Variants in ADGB observed in about 807,000 individuals in gnomAD.
ADGB encodes androglobin.
Under a neutral mutation model 210.5 loss-of-function variants are expected in ADGB, and 172 were observed. The ratio of observed to expected loss-of-function variants is 0.82; its 90% CI spans 0.72 to 0.93. ADGB has a LOEUF of 0.93. ADGB is among the 40% of genes least tolerant of loss of function. The probability of loss-of-function intolerance (pLI) is 0.00; values close to 1 mark genes in which losing one functional copy is unlikely to be tolerated. For missense variants in ADGB, 2,025 were observed against 1,964.8 expected, an observed-to-expected ratio of 1.03 and a Z score of -0.58; for synonymous variants, 658 against 662.7, an observed-to-expected ratio of 0.99 and a Z score of 0.11.
At chr6:146,741,684 T>C (rs1353926572) in intron 25 of ADGB, among the ~76,000 whole-genome samples, 1 of 152,178 alleles carries the variant, frequency 6.6e-6, no homozygotes, top group Non-Finnish European at 1.5e-5. Context: ...TGTAGTTACA[T>C]AGCCACCAAC....
chr6:146,807,560 G>C (rs1778231410), intron 35 of ADGB: 1 of 1,532,520 alleles, frequency 6.5e-7, no homozygotes, highest in Non-Finnish European at 8.8e-7. Context: ...CTGACACACA[G>C]AAAAAAAAGA....
intron 13 of ADGB, among the ~76,000 whole-genome samples, chr6:146,712,970 A>C (rs551585949): frequency 2.4e-4 from 36 of 151,282 alleles, no homozygotes; most frequent in African/African-American, 8.5e-4. Flanking sequence ...AACTTTGACT[A>C]TTCTGGGTAC....
rs1363423633 is a variant in ADGB, at chr6:146,649,034, A to G, written c.330+4169A>G. On this transcript the variant is annotated intron_variant, in intron 3 of 35. Coordinates refer to ENST00000397944, the MANE Select transcript of ADGB (RefSeq NM_024694.4). ...AAATCATTTTAAGATTTTAAATTAC[A>G]CAAAAAGTCTTCCTACAAGCATTTA... 1.3e-5 allele frequency among the ~76,000 whole-genome samples: 2 copies of G among 152,016 alleles called. 1 individual carries two copies. The highest frequency in any genetic ancestry group is 3.9e-4 in the East Asian group (2 of 5,170).
chr6:146,790,815 C>A (rs55652744), intron 33 of ADGB, among the ~76,000 whole-genome samples: 2,059 of 152,252 alleles, frequency 0.014, 40 homozygotes, highest in African/African-American at 0.047. Context: ...CCAAAGTGTA[C>A]CTGAGTTCCC....
chr6:146,636,065 C>A (rs763888818), intron 2 of ADGB, among the ~76,000 whole-genome samples: 1 of 151,954 alleles, frequency 6.6e-6, no homozygotes, highest in Non-Finnish European at 1.5e-5. Flanking sequence ...GAGATTGGTG[C>A]CAAAATGTAG....
At chr6:146,763,016 G>A (rs1229355892) in intron 27 of ADGB, among the ~76,000 whole-genome samples, 3 of 152,048 alleles carry the variant, frequency 2.0e-5, no homozygotes, top group Non-Finnish European at 2.9e-5. Context: ...ACTCCCTTCT[G>A]GTATCCTACC....
In ADGB at chr6:146,805,105, G is replaced by C. The variant is rs953200879; in HGVS notation, c.4818+3094G>C. 2.6e-5 allele frequency among the ~76,000 whole-genome samples: 4 copies of C among 152,160 alleles called. No homozygotes were observed. The South Asian group carries it at 8.3e-4, about 32-fold the overall frequency. On this transcript the variant is annotated intron_variant, in intron 35 of 35. Coordinates refer to ENST00000397944, the MANE Select transcript of ADGB (RefSeq NM_024694.4). ...TTCAATAGAGCAACCTTCTTATCAA[G>C]ATCCCCTGGCTGAAGGAGCTTCCAT...
chr6:146,685,717 G>A lies in ADGB; in HGVS notation c.1217-17G>A, dbSNP rs555938364. 8.3e-6 allele frequency: 12 copies of A among 1,447,028 alleles called. 1 individual carries two copies. The South Asian group carries it at 1.5e-4, about 18-fold the overall frequency. 89.6% of individuals were successfully genotyped at this position (1,447,028 alleles called of 1,614,324 possible). A position where few individuals can be genotyped will look rare whatever the true frequency, so the allele number is the denominator to read the frequency against. ...TTGACTAGAATTTTCACAACATAAT[G>A]TATGTTTGTTTTACAGGTTCTTCTG... On this transcript the variant is annotated splice_polypyrimidine_tract_variant and intron_variant, in intron 9 of 35. Coordinates refer to ENST00000397944, the MANE Select transcript of ADGB (RefSeq NM_024694.4).
At chr6:146,813,305 A>G (rs1489048502) in intron 35 of ADGB, among the ~76,000 whole-genome samples, 1 of 150,690 alleles carries the variant, frequency 6.6e-6, no homozygotes, top group Non-Finnish European at 1.5e-5. Flanking sequence ...GTTCTTCTGG[A>G]TATGTCTTAG....
chr6:146,691,451 T>TAC (rs1368330327), intron 11 of ADGB, among the ~76,000 whole-genome samples, 161 bp downstream of exon 11: 2 of 19,958 alleles, frequency 1.0e-4, no homozygotes, highest in African/African-American at 5.9e-4. Context: ...TAAAAATATA[T>TAC]ATATATAAAA....
intron 27 of ADGB, among the ~76,000 whole-genome samples, chr6:146,762,463 T>C (rs532841132): frequency 6.6e-6 from 1 of 152,296 alleles, no homozygotes. Flanking sequence ...TAAATAGCTA[T>C]TTTAAAGTCC....
chr6:146,715,859 G>T (rs1776724948), intron 14 of ADGB, among the ~76,000 whole-genome samples: 1 of 151,882 alleles, frequency 6.6e-6, no homozygotes, highest in Non-Finnish European at 1.5e-5. Flanking sequence ...CACGAAGTCA[G>T]TAGATCGAGA....
intron 17 of ADGB, among the ~76,000 whole-genome samples, chr6:146,723,492 T>C (rs1409487761): frequency 6.6e-6 from 1 of 152,086 alleles, no homozygotes; most frequent in Non-Finnish European, 1.5e-5. Context: ...TCCCAGCACT[T>C]TGGGAGGTTG....
At chr6:146,758,093 A>G (rs1008895246) in intron 27 of ADGB, among the ~76,000 whole-genome samples, 2 of 152,008 alleles carry the variant, frequency 1.3e-5, no homozygotes, top group Non-Finnish European at 2.9e-5. Flanking sequence ...TCACCCCTGA[A>G]TATCTCCTGG....
intron 27 of ADGB, among the ~76,000 whole-genome samples, chr6:146,756,379 C>T (rs1034357008): frequency 2.6e-5 from 4 of 152,074 alleles, no homozygotes; most frequent in Admixed American, 2.0e-4. Flanking sequence ...TGATCACTAA[C>T]GTCGGGTAAG....
In ADGB at chr6:146,685,746, T is replaced by C. The variant is rs749678882; in HGVS notation, c.1229T>C (p.Ile410Thr). The stretch of plus-strand genomic sequence containing the variant: ...GTTTGTTTTACAGGTTCTTCTGCAA[T>C]ACAGACCTCTCATATGGTCGTATAT... ...VQSLSDCSSA[I>T]QTSHMVVYAT... The change falls in exon 10 of 36, where the codon ATA (isoleucine) becomes ACA (threonine). Residue 410 changes from isoleucine (I) to threonine (T), a missense_variant. By Grantham distance (89) the Ile-to-Thr change is moderately conservative. Coordinates refer to ENST00000397944, the MANE Select transcript of ADGB (RefSeq NM_024694.4). 39 of 1,529,960 alleles carry C rather than the reference T, an allele frequency of 2.5e-5. No homozygotes were observed. Among genetic ancestry groups the C allele is most frequent in the Non-Finnish European group, 3.3e-5 (37 of 1,138,354 alleles). 94.8% of individuals were successfully genotyped at this position (1,529,960 alleles called of 1,614,324 possible). A position where few individuals can be genotyped will look rare whatever the true frequency, so the allele number is the denominator to read the frequency against.
At chr6:146,806,530 G>A (rs927763780) in intron 35 of ADGB, among the ~76,000 whole-genome samples, 1 of 152,134 alleles carries the variant, frequency 6.6e-6, no homozygotes, top group Admixed American at 6.5e-5. Flanking sequence ...AAAACTTCGG[G>A]AATTCTGATT....
intron 35 of ADGB, chr6:146,803,470 G>T: frequency 6.2e-7 from 1 of 1,604,038 alleles, no homozygotes; most frequent in South Asian, 1.1e-5. Flanking sequence ...ACAAAGATTT[G>T]GAAAGGGATG....
Position 146,788,544 on chromosome 6 carries a change from GA to G in ADGB, c.4474del (p.Ser1492ValfsTer44). ...GGATGTGGCAAAATCCACGAGTAGC[GA>G]AAGTGGAGGAGTGTCTTCACCAGGG... is the stretch of plus-strand genomic sequence containing the variant. ...LRDVAKSTSS[E>X]SGGVSSPGKE... On this transcript the variant is annotated frameshift_variant, in exon 33 of 36. Transcript: ENST00000397944. LOFTEE classifies it high-confidence loss of function. 1 of 1,551,622 alleles carries G rather than the reference GA, an allele frequency of 6.4e-7. No individual in the cohort carries two copies. The highest frequency in any genetic ancestry group is 8.7e-7 in the Non-Finnish European group (1 of 1,146,904).
Sources: gnomAD v4.1 joint callset for allele counts (sites outside exome capture counted in the v4.1 genomes callset) on GRCh38, gnomAD v4.1.1 for gene constraint, MANE v1.5 for transcripts, NCBI Gene and HGNC (gene_info 2026-07-23, HGNC 2026-07-21) for gene names.